Variants in POLR1A observed in about 807,000 individuals in gnomAD.
POLR1A encodes the protein RNA polymerase I subunit A.
A neutral mutation model predicts 205.3 loss-of-function variants in POLR1A; 84 were observed. The observed-to-expected ratio is 0.41, with a 90% CI of 0.34 to 0.49. The LOEUF (loss-of-function observed/expected upper bound fraction) is 0.49, where lower values mean the gene tolerates loss of function less well. Among genes scored for constraint, POLR1A ranks in the 20% least tolerant of loss-of-function variants. The pLI is 0.22. For synonymous variants in POLR1A, 799 were observed against 863.7 expected, an observed-to-expected ratio of 0.93 and a Z score of 1.31; for missense variants, 1,645 against 2,204.5, an observed-to-expected ratio of 0.75 and a Z score of 5.08.
chr2:86,104,258 G>A (rs1673876299), intron 1 of POLR1A, among the ~76,000 whole-genome samples: 2 of 152,068 alleles, frequency 1.3e-5, no homozygotes, highest in African/African-American at 4.8e-5. Flanking sequence ...CAACACAGTA[G>A]CAATTGGGAG....
chr2:86,030,716 T>C (rs1477601119), intron 30 of POLR1A, among the ~76,000 whole-genome samples: 1 of 152,226 alleles, frequency 6.6e-6, no homozygotes, highest in Non-Finnish European at 1.5e-5. Flanking sequence ...GTTTCACGCG[T>C]GCAATCCCAT....
chr2:86,076,319 T>A (rs74733602), intron 11 of POLR1A, among the ~76,000 whole-genome samples: 5,275 of 152,302 alleles, frequency 0.035, 227 homozygotes, highest in East Asian at 0.23. Context: ...AGCCTCTGCG[T>A]TCCTCAGCCT....
intron 14 of POLR1A, among the ~76,000 whole-genome samples, chr2:86,057,777 C>T (rs1672921965): frequency 6.6e-6 from 1 of 152,066 alleles, no homozygotes; most frequent in African/African-American, 2.4e-5. Flanking sequence ...AAGTAGTTGT[C>T]AGGGGATGAG....
At chr2:86,073,693 T>C (rs1266629467) in intron 12 of POLR1A, among the ~76,000 whole-genome samples, 1 of 152,226 alleles carries the variant, frequency 6.6e-6, no homozygotes, top group Non-Finnish European at 1.5e-5. Flanking sequence ...GCTTACTTCC[T>C]AGTGGTTCCC....
At position 86,032,254 on chromosome 2, in the gene POLR1A, C is replaced by T. The variant is rs766479062; in HGVS notation, c.4272+18G>A. ...GGGCTGGGACCACAGCTCCTTCACC[C>T]CACACAGGGTCTCTCACCTCCTCCT... On this transcript the variant is annotated intron_variant, in intron 29 of 33. Coordinates refer to ENST00000263857, the MANE Select transcript of POLR1A (RefSeq NM_015425.6). The T allele has an allele frequency of 1.2e-5, 19 of 1,533,606 alleles. No individual in the cohort carries two copies. Among genetic ancestry groups the T allele is most frequent in the Non-Finnish European group, 1.1e-5 (12 of 1,106,608 alleles). 95.0% of individuals were successfully genotyped at this position (1,533,606 alleles called of 1,614,324 possible).
Position 86,031,711 on chromosome 2 carries a change from C to T in POLR1A, c.4273-76G>A, listed in dbSNP as rs1032862808. ...CTGGACTCTGCCTGTGGAACAAAGA[C>T]CCCTGCAAAGCCTTGGCTGGCCTGG... On this transcript the variant is annotated intron_variant, in intron 29 of 33. Transcript: ENST00000263857. The T allele has an allele frequency of 3.9e-6, 6 of 1,549,486 alleles. No homozygotes were observed. The South Asian group carries it at 4.9e-5, about 13-fold the overall frequency.
At chr2:86,041,230 G>A (rs1026091220) in intron 24 of POLR1A, among the ~76,000 whole-genome samples, 1 of 129,478 alleles carries the variant, frequency 7.7e-6, no homozygotes, top group African/African-American at 3.2e-5. Context: ...GTGTGTGTGT[G>A]CTGAGCTACA....
At position 86,105,809 on chromosome 2, in the gene POLR1A, A is replaced by T; in HGVS notation, c.-33T>A. 1 of 1,562,922 alleles carries T rather than the reference A, an allele frequency of 6.4e-7. No homozygotes were observed. Among genetic ancestry groups the T allele is most frequent in the African/African-American group, 1.3e-5 (1 of 74,154 alleles). On this transcript the variant is annotated 5_prime_UTR_variant, in exon 1 of 34. In the 5' UTR this introduces an upstream ATG that the reference lacks. Coordinates refer to ENST00000263857, the MANE Select transcript of POLR1A (RefSeq NM_015425.6). The stretch of plus-strand genomic sequence containing the variant: ...GTCCGTTTTGAATTCCGACACCCCA[A>T]GAGACGTTCCACTCACCACCTGACT...
intron 2 of POLR1A, 90 bp downstream of exon 2, chr2:86,099,878 A>T: frequency 9.3e-7 from 1 of 1,078,908 alleles, no homozygotes; most frequent in Non-Finnish European, 1.4e-6. Context: ...CCTGGGGCTT[A>T]ACCTCCTTAG....
chr2:86,088,964 C>A, intron 4 of POLR1A, 94 bp from the exon 5 acceptor site: 1 of 843,904 alleles, frequency 1.2e-6, no homozygotes, highest in South Asian at 1.6e-5. Flanking sequence ...TATTTTTAAC[C>A]AGCGGAAACA....
rs1027063779 is a variant in POLR1A at position 86,027,784 on chromosome 2, C to T, written c.5062+101G>A. 3.7e-6 allele frequency: 5 copies of T among 1,350,454 alleles called. No homozygotes were observed. In the African/African-American group the frequency reaches 7.2e-5, roughly 19 times the overall value. The allele number at this position is 1,350,454 out of a possible 1,614,324, so 83.7% of individuals were successfully genotyped here. ...CCCGCTCCCCTCAGATCCCAAGATC[C>T]CACTGGTGTGCAAGGAACCATGGAA... is the stretch of plus-strand genomic sequence containing the variant. On this transcript the variant is annotated intron_variant, in intron 33 of 33. Transcript: ENST00000263857.
Position 86,075,272 on chromosome 2 carries a change from G to C in POLR1A, c.1381-12C>G. ...TTTGTGGCAAACACCTGGAAATGAGGAATGGAGGTAGAAATTCAGGGCAGG... is the reference window on the plus strand; with the variant it reads ...TTTGTGGCAAACACCTGGAAATGAGCAATGGAGGTAGAAATTCAGGGCAGG... On this transcript the variant is annotated splice_polypyrimidine_tract_variant and intron_variant, in intron 11 of 33. Transcript: ENST00000263857. The C allele has an allele frequency of 6.4e-7, 1 of 1,568,660 alleles. No homozygotes were observed. The highest frequency in any genetic ancestry group is 8.7e-7 in the Non-Finnish European group (1 of 1,145,804).
chr2:86,027,897 C>A lies in POLR1A; in HGVS notation c.5050G>T (p.Ala1684Ser), dbSNP rs761368511. Reference protein sequence around the residue: ...FETSFQFLKQATMLGSHDELR... With the variant: ...FETSFQFLKQSTMLGSHDELR... ...CCCACGCACTAACCCAGCATGGTGG[C>A]TTGCTTCAGAAACTGGAAGCTGGTT... Residue 1684 changes from alanine to serine, a missense_variant, in exon 33 of 34, where the codon GCC (alanine) becomes TCC (serine). Physicochemically the swap from Ala to Ser is moderately conservative, Grantham distance 99 (BLOSUM62 1). Around this residue, in one of 16 missense-constraint regions of POLR1A, gnomAD observed 86 missense variants for 149.8 expected, o/e 0.57. Coordinates refer to ENST00000263857, the MANE Select transcript of POLR1A (RefSeq NM_015425.6). The A allele has an allele frequency of 6.2e-7, 1 of 1,614,234 alleles. No homozygotes were observed. The highest frequency in any genetic ancestry group is 1.1e-5 in the South Asian group (1 of 91,088).
chr2:86,083,212 G>A (rs765443738), intron 6 of POLR1A, 44 bp from the exon 7 acceptor site: 3 of 1,345,254 alleles, frequency 2.2e-6, no homozygotes, highest in South Asian at 2.3e-5. Flanking sequence ...ATCAGAAACA[G>A]GTACTCTTTC....
At chr2:86,100,291 G>A in intron 1 of POLR1A, 119 bp from the exon 2 acceptor site, 1 of 742,158 alleles carries the variant, frequency 1.3e-6, no homozygotes. Flanking sequence ...GCTCTGGAGG[G>A]CACAATCTGT....
chr2:86,104,690 G>A (rs1673887211), intron 1 of POLR1A, among the ~76,000 whole-genome samples: 1 of 152,114 alleles, frequency 6.6e-6, no homozygotes, highest in African/African-American at 2.4e-5. Context: ...CTCGTGATCC[G>A]CCGGCCTCGG....
chr2:86,041,389 T>A (rs1273029636), intron 24 of POLR1A, among the ~76,000 whole-genome samples: 3 of 150,502 alleles, frequency 2.0e-5, no homozygotes, highest in Admixed American at 2.0e-4. Context: ...AGCTACAGTG[T>A]CTGTGTGTGT....
At chr2:86,073,394 A>T (rs532807490) in intron 12 of POLR1A, among the ~76,000 whole-genome samples, 1 of 152,126 alleles carries the variant, frequency 6.6e-6, no homozygotes, top group African/African-American at 2.4e-5. Context: ...TGCATGGCCC[A>T]GGACCACAGA....
intron 12 of POLR1A, among the ~76,000 whole-genome samples, chr2:86,074,377 T>C (rs1673240331): frequency 6.6e-6 from 1 of 152,176 alleles, no homozygotes; most frequent in African/African-American, 2.4e-5. Context: ...GTCGAATCCA[T>C]TTCCCTCCAA....
Sources: gnomAD v4.1 joint callset for allele counts (sites outside exome capture counted in the v4.1 genomes callset) on GRCh38, gnomAD v4.1.1 for gene constraint, gnomAD v4.1.1 regional missense constraint, MANE v1.5 for transcripts, NCBI Gene and HGNC (gene_info 2026-07-23, HGNC 2026-07-21) for gene names.